Variants in CHRNA4 observed in about 807,000 individuals in gnomAD.
CHRNA4 encodes cholinergic receptor nicotinic alpha 4 subunit.
Under a neutral mutation model 48.9 loss-of-function variants are expected in CHRNA4, and 28 were observed. The ratio of observed to expected loss-of-function variants is 0.57; its 90% CI spans 0.42 to 0.79. The LOEUF is 0.79. Ranked by LOEUF, CHRNA4 falls within the 30% of genes least tolerant of loss-of-function variation. The pLI, the probability that CHRNA4 is intolerant of heterozygous loss-of-function variation, is 0.00. For synonymous variants in CHRNA4, 425 were observed against 402.3 expected (o/e 1.06, Z -0.68); for missense variants, 859 against 898.4 (o/e 0.96, Z 0.56).
Position 63,356,576 on chromosome 20 carries a change from C to T in CHRNA4, c.229-161G>A, listed in dbSNP as rs2273503. On this transcript the variant is annotated intron_variant, in intron 2 of 5. Transcript: ENST00000370263. ...TGAGTGCCCCGTCCCTGGAGGCAGC[C>T]GAGCCCAGGATGGGGACTCTGAGGG... 2.6e-3 allele frequency: 1,921 copies of T among 728,200 alleles called. 30 individuals are homozygous for T. The East Asian group carries it at 0.028, about 11-fold the overall frequency. The allele number at this position is 728,200 out of a possible 1,614,324, so 45.1% of individuals were successfully genotyped here. A position where few individuals can be genotyped will look rare whatever the true frequency, so the allele number is the denominator to read the frequency against.
At position 63,344,971 on chromosome 20, in the gene CHRNA4, A is replaced by G; in HGVS notation, c.*1767T>C. ...TCTCTGTGTCCCACCCACTCCTGGCACAAAAGCCCCAGCCTCAGGACCCCG... is the reference window on the plus strand; with the variant it reads ...TCTCTGTGTCCCACCCACTCCTGGCGCAAAAGCCCCAGCCTCAGGACCCCG... On this transcript the variant is annotated 3_prime_UTR_variant, in exon 6 of 6. Coordinates refer to ENST00000370263, the MANE Select transcript of CHRNA4 (RefSeq NM_000744.7). This position sits in a 1 kb window ranked among gnomAD's most constrained non-coding sequence, Gnocchi z 4.5. The G allele has an allele frequency of 2.4e-6, 1 of 419,162 alleles. No homozygotes were observed. The highest frequency in any genetic ancestry group is 1.7e-5 in the South Asian group (1 of 59,480). 26.0% of individuals were successfully genotyped at this position (419,162 alleles called of 1,614,324 possible).
At chr20:63,349,457 G>A (rs772890011) in intron 5 of CHRNA4, 196 bp downstream of exon 5, 1 of 727,156 alleles carries the variant, frequency 1.4e-6, no homozygotes, top group Non-Finnish European at 2.3e-6. Context: ...GGGGCCCCCT[G>A]CCCCGCTCAG....
At position 63,345,721 on chromosome 20, in the gene CHRNA4, C is replaced by T; in HGVS notation, c.*1017G>A. On this transcript the variant is annotated 3_prime_UTR_variant, in exon 6 of 6. Transcript: ENST00000370263. The surrounding 1 kb of genome is among the most constrained non-coding windows in gnomAD (Gnocchi z 5.4). ...AGGTCCTCAAGGATGCCCCCACCAG[C>T]TCCCCACAGCTACTGTAGCAGGAAG... is the stretch of plus-strand genomic sequence containing the variant. 1 of 452,146 alleles carries T rather than the reference C, an allele frequency of 2.2e-6. No individual in the cohort carries two copies. Among genetic ancestry groups the T allele is most frequent in the South Asian group, 1.6e-5 (1 of 64,442 alleles). 28.0% of individuals were successfully genotyped at this position (452,146 alleles called of 1,614,324 possible).
chr20:63,349,977 C>T lies in CHRNA4; in HGVS notation c.1434G>A (p.Val478=). 6.4e-7 allele frequency: 1 copy of T among 1,554,150 alleles called. No homozygotes were observed. The highest frequency in any genetic ancestry group is 8.7e-7 in the Non-Finnish European group (1 of 1,148,400). ...VQHMSSPGEA[V]EGGVRCRSRS... ...GAGACCGGCACCGGACGCCGCCTTCCACCGCTTCGCCAGGGCTGGACATGT... is the reference window on the plus strand; with the variant it reads ...GAGACCGGCACCGGACGCCGCCTTCTACCGCTTCGCCAGGGCTGGACATGT... The change falls in exon 5 of 6, where the codon GTG becomes GTA. Residue 478 remains valine, a synonymous_variant. Coordinates refer to ENST00000370263, the MANE Select transcript of CHRNA4 (RefSeq NM_000744.7).
intron 4 of CHRNA4, chr20:63,355,738 G>C: frequency 2.5e-6 from 2 of 794,976 alleles, no homozygotes. Flanking sequence ...TGAGACCCAG[G>C]GATGCCCTCA....
intron 2 of CHRNA4, 25 bp downstream of exon 2, chr20:63,359,523 G>A (rs45443000): frequency 1.1e-5 from 17 of 1,612,386 alleles, no homozygotes; most frequent in East Asian, 2.2e-5. Context: ...CAGTCACAGT[G>A]CACGATGGCC....
chr20:63,358,897 G>A (rs555365444), intron 2 of CHRNA4, among the ~76,000 whole-genome samples: 3 of 152,190 alleles, frequency 2.0e-5, no homozygotes, highest in East Asian at 1.9e-4. Context: ...GCACAAGGCC[G>A]AGCCTCCCGC....
chr20:63,359,903 G>GTGTGTGTGTGTGTGCTGGGCGTGCGC, intron 1 of CHRNA4: 2 of 442,924 alleles, frequency 4.5e-6, no homozygotes, highest in Non-Finnish European at 8.0e-6. Flanking sequence ...TGTGCTGTGT[G>GTGTGTGTGTGTGTGCTGGGCGTGCGC]TGTGTGTGTG....
chr20:63,347,663 C>T (rs1052720062), intron 5 of CHRNA4, among the ~76,000 whole-genome samples: 1 of 152,194 alleles, frequency 6.6e-6, no homozygotes, highest in Admixed American at 6.5e-5. Flanking sequence ...CCACTGCCCT[C>T]GCCCCGGCTC....
chr20:63,359,523 G>T lies in CHRNA4; in HGVS notation c.228+25C>A, dbSNP rs45443000. ...CTTGCAGGGCGACCTCAGTCACAGT[G>T]CACGATGGCCACGCCCTCACCTACC... On this transcript the variant is annotated intron_variant, in intron 2 of 5. Transcript: ENST00000370263. 908 of 1,612,386 alleles carry T rather than the reference G, an allele frequency of 5.6e-4. 2 individuals are homozygous for T. In the African/African-American group the frequency reaches 0.011, roughly 19 times the overall value.
rs1170071678 is a variant in CHRNA4 at position 63,343,724 on chromosome 20, G to C, written c.*3014C>G. ...CACTGGGGCCTCCCCTGGGAAGGAG[G>C]GGGCAGGATGGCGCAAGCAGCCGCA... On this transcript the variant is annotated 3_prime_UTR_variant, in exon 6 of 6. Coordinates refer to ENST00000370263, the MANE Select transcript of CHRNA4 (RefSeq NM_000744.7). 4.5e-6 allele frequency: 2 copies of C among 449,316 alleles called. No individual in the cohort carries two copies. The highest frequency in any genetic ancestry group is 9.0e-6 in the Non-Finnish European group (2 of 223,318). 27.8% of individuals were successfully genotyped at this position (449,316 alleles called of 1,614,324 possible).
At chr20:63,360,043 C>A (rs1394920377) in intron 1 of CHRNA4, 1 of 358,870 alleles carries the variant, frequency 2.8e-6, no homozygotes, top group Non-Finnish European at 5.4e-6. Flanking sequence ...GAGGCCTTCC[C>A]AGCACCTTGA....
At position 63,350,970 on chromosome 20, in the gene CHRNA4, C is replaced by T. The variant is rs2123473322; in HGVS notation, c.441G>A (p.Gly147=). Residue 147 remains glycine (G), a synonymous_variant, in exon 5 of 6, where the codon GGG becomes GGA. Coordinates refer to ENST00000370263, the MANE Select transcript of CHRNA4 (RefSeq NM_000744.7). ...HLTKAHLFHD[G]RVQWTPPAIY... is the part of the protein sequence containing the mutation. ...TGGCCGGGGGAGTCCACTGCACCCG[C>T]CCGTCATGGAACAGGTGGGCCTTGG... The T allele has an allele frequency of 1.9e-6, 3 of 1,613,750 alleles. No homozygotes were observed. Among genetic ancestry groups the T allele is most frequent in the Admixed American group, 1.7e-5 (1 of 60,022 alleles).
chr20:63,360,056 G>A (rs549273769), intron 1 of CHRNA4: 193 of 336,802 alleles, frequency 5.7e-4, no homozygotes, highest in Non-Finnish European at 1.1e-3. Context: ...CACCTTGACC[G>A]CACCACAAAA....
rs1450633449 is a variant in CHRNA4, at chr20:63,343,839, G to A, written c.*2899C>T. The A allele has an allele frequency of 8.8e-6, 4 of 454,058 alleles. No individual in the cohort carries two copies. Among genetic ancestry groups the A allele is most frequent in the Admixed American group, 4.7e-5 (2 of 42,564 alleles). 28.1% of individuals were successfully genotyped at this position (454,058 alleles called of 1,614,324 possible). Reference sequence around the variant, plus strand: ...CAGGGCGGGGAAACGTTGGCTTAGTGTGAGACTTTGATAGGGGGTCGGGGG... The same window carrying A: ...CAGGGCGGGGAAACGTTGGCTTAGTATGAGACTTTGATAGGGGGTCGGGGG... On this transcript the variant is annotated 3_prime_UTR_variant, in exon 6 of 6. Coordinates refer to ENST00000370263, the MANE Select transcript of CHRNA4 (RefSeq NM_000744.7).
In CHRNA4 at chr20:63,350,946, G is replaced by C. The variant is rs1253988511; in HGVS notation, c.465C>G (p.Ala155=). The change falls in exon 5 of 6, where the codon GCC becomes GCG. Residue 155 remains alanine (A), a synonymous_variant. Transcript: ENST00000370263. ...HDGRVQWTPP[A]IYKSSCSIDV... ...CGATGCTGCAGGAGCTCTTGTAAAT[G>C]GCCGGGGGAGTCCACTGCACCCGCC... 6.2e-7 allele frequency: 1 copy of C among 1,613,862 alleles called. No homozygotes were observed. The highest frequency in any genetic ancestry group is 8.5e-7 in the Non-Finnish European group (1 of 1,180,010).
At chr20:63,358,568 G>A (rs1314384092) in intron 2 of CHRNA4, among the ~76,000 whole-genome samples, 1 of 152,248 alleles carries the variant, frequency 6.6e-6, no homozygotes, top group Non-Finnish European at 1.5e-5. Context: ...TTTGGCAGCA[G>A]GGCTGGAGCT....
At chr20:63,359,891 C>T (rs1356277306) in intron 1 of CHRNA4, 192 bp from the exon 2 acceptor site, 5 of 492,300 alleles carry the variant, frequency 1.0e-5, no homozygotes, top group East Asian at 3.4e-5. Flanking sequence ...GTGTGCCGGG[C>T]GTGTGCTGTG....
intron 1 of CHRNA4, 115 bp downstream of exon 1, chr20:63,360,975 C>T: frequency 2.2e-6 from 2 of 894,794 alleles, no homozygotes; most frequent in Non-Finnish European, 3.0e-6. Context: ...GTCGCCCAGT[C>T]GCGCGCACCC....
Sources: allele counts gnomAD v4.1 joint callset (sites outside exome capture counted in the v4.1 genomes callset), GRCh38; gene constraint gnomAD v4.1.1; non-coding constraint Gnocchi (gnomAD v3.1); transcripts MANE v1.5; gene names NCBI Gene and HGNC (gene_info 2026-07-23, HGNC 2026-07-21).